PTPRG: variants seen among roughly 807,000 people sequenced by gnomAD.
PTPRG encodes the protein protein tyrosine phosphatase receptor type G, also known as receptor-type tyrosine-protein phosphatase gamma.
A neutral mutation model predicts 165.3 loss-of-function variants in PTPRG; 102 were observed. The observed-to-expected ratio is 0.62, with a 90% CI of 0.53 to 0.73. PTPRG has a LOEUF of 0.73. PTPRG is among the 30% of genes least tolerant of loss of function. The pLI, the probability that PTPRG is intolerant of heterozygous loss-of-function variation, is 0.00. For synonymous variants in PTPRG, 675 were observed against 669.5 expected (o/e 1.01, Z -0.13); for missense variants, 1,866 against 1,861.4 (o/e 1.00, Z -0.05).
At chr3:61,951,108 T>C (rs900931641) in intron 2 of PTPRG, among the ~76,000 whole-genome samples, 2 of 152,242 alleles carry the variant, frequency 1.3e-5, no homozygotes, top group African/African-American at 4.8e-5. Context: ...AAGTCATTCA[T>C]TGTTAGCAGT....
intron 2 of PTPRG, among the ~76,000 whole-genome samples, chr3:61,778,279 C>T (rs940372747): frequency 4.6e-5 from 7 of 152,056 alleles, no homozygotes; most frequent in African/African-American, 1.7e-4. Flanking sequence ...CTCATGGGAT[C>T]CACATGCCCC....
intron 5 of PTPRG, among the ~76,000 whole-genome samples, chr3:62,085,464 C>T (rs1218117760): frequency 6.6e-6 from 1 of 152,176 alleles, no homozygotes; most frequent in Non-Finnish European, 1.5e-5. Flanking sequence ...TAAAGAGTAT[C>T]TGGGTGTATC....
At chr3:62,223,874 T>C (rs553894775) in intron 13 of PTPRG, among the ~76,000 whole-genome samples, 61 of 152,352 alleles carry the variant, frequency 4.0e-4, no homozygotes, top group African/African-American at 1.4e-3. Flanking sequence ...AATATGTCCA[T>C]TGCATACAAC....
intron 2 of PTPRG, among the ~76,000 whole-genome samples, chr3:61,773,176 A>C (rs2034264407): frequency 6.6e-6 from 1 of 152,190 alleles, no homozygotes; most frequent in Admixed American, 6.5e-5. Flanking sequence ...TGTATGCAAT[A>C]AATTATTTGG....
chr3:61,702,002 A>G (rs2030990155), intron 1 of PTPRG, among the ~76,000 whole-genome samples: 1 of 152,182 alleles, frequency 6.6e-6, no homozygotes, highest in Admixed American at 6.5e-5. Context: ...TTTTTGAGAC[A>G]GGGTCTCACT....
intron 1 of PTPRG, among the ~76,000 whole-genome samples, chr3:61,646,018 A>G (rs1702191221): frequency 6.6e-6 from 1 of 152,314 alleles, no homozygotes; most frequent in East Asian, 1.9e-4. Context: ...TACCTGCTTT[A>G]TACAGACACA....
chr3:61,716,156 C>T (rs2031797393), intron 1 of PTPRG, among the ~76,000 whole-genome samples: 1 of 152,080 alleles, frequency 6.6e-6, no homozygotes, highest in Admixed American at 6.6e-5. Flanking sequence ...GGTTTGTTTG[C>T]TTTTTTCCCC....
intron 2 of PTPRG, among the ~76,000 whole-genome samples, chr3:61,790,564 A>G (rs977187583): frequency 2.0e-5 from 3 of 152,214 alleles, no homozygotes; most frequent in Non-Finnish European, 4.4e-5. Flanking sequence ...TTCTTGGCTA[A>G]GTTTGTGTAT....
chr3:61,703,424 A>G (rs768001193), intron 1 of PTPRG, among the ~76,000 whole-genome samples: 2 of 152,108 alleles, frequency 1.3e-5, no homozygotes, highest in African/African-American at 4.8e-5. Context: ...CTAGGCTGAC[A>G]TTTTTTCTCT....
chr3:61,683,497 C>T (rs1038675863), intron 1 of PTPRG, among the ~76,000 whole-genome samples: 1 of 152,168 alleles, frequency 6.6e-6, no homozygotes, highest in African/African-American at 2.4e-5. Context: ...CAGCCAAATC[C>T]CTCTCTACAC....
intron 1 of PTPRG, among the ~76,000 whole-genome samples, chr3:61,643,809 A>G (rs556075704): frequency 2.6e-5 from 4 of 152,236 alleles, no homozygotes; most frequent in Admixed American, 6.5e-5. Context: ...GTGAATGTAT[A>G]TAGAGGACAG....
chr3:61,713,437 C>T (rs1217533683), intron 1 of PTPRG, among the ~76,000 whole-genome samples: 1 of 151,840 alleles, frequency 6.6e-6, no homozygotes, highest in Non-Finnish European at 1.5e-5. Flanking sequence ...TCCCAAAGTG[C>T]TGGGATTACA....
chr3:61,644,560 G>C (rs547654240), intron 1 of PTPRG, among the ~76,000 whole-genome samples: 57 of 152,212 alleles, frequency 3.7e-4, no homozygotes, highest in African/African-American at 1.3e-3. Flanking sequence ...CTAAGGATAC[G>C]CATCTCGTAT....
At position 62,292,449 on chromosome 3, in the gene PTPRG, T is replaced by G. The variant is rs763478913; in HGVS notation, c.4084T>G (p.Cys1362Gly). ...TGGAGCAGTTTCAGCAGGAATGTTATGTGCCCTTACCACCCTGTCCCAGCA... is the reference window on the plus strand; with the variant it reads ...TGGAGCAGTTTCAGCAGGAATGTTAGGTGCCCTTACCACCCTGTCCCAGCA... ...EYGAVSAGMLCALTTLSQQLE... is the reference protein window; with the variant it reads ...EYGAVSAGMLGALTTLSQQLE... Residue 1362 changes from cysteine (C) to glycine (G), a missense_variant, in exon 29 of 30, where the codon TGT becomes GGT. Coordinates refer to ENST00000474889, the MANE Select transcript of PTPRG (RefSeq NM_002841.4). 1.2e-6 allele frequency: 2 copies of G among 1,613,680 alleles called. No homozygotes were observed.
rs558928245 is a variant in PTPRG, at chr3:62,061,167, G to A, written c.520-16996G>A. ...TCTTTGAAATTAAGCTTTTGTCCTG[G>A]AGTTTTTAATGGGCACAACTCTCTA... is the stretch of plus-strand genomic sequence containing the variant. On this transcript the variant is annotated intron_variant, in intron 4 of 29. Coordinates refer to ENST00000474889, the MANE Select transcript of PTPRG (RefSeq NM_002841.4). Among the ~76,000 whole-genome samples the A allele has an allele frequency of 4.6e-5, 7 of 152,232 alleles. No homozygotes were observed. The South Asian group carries it at 1.5e-3, about 32-fold the overall frequency.
chr3:61,972,183 G>A (rs2040399927), intron 2 of PTPRG, among the ~76,000 whole-genome samples: 1 of 152,250 alleles, frequency 6.6e-6, no homozygotes, highest in Admixed American at 6.5e-5. Context: ...AGGTGACTGA[G>A]TTGCCTGTTA....
At chr3:62,069,905 A>G (rs1203405435) in intron 4 of PTPRG, among the ~76,000 whole-genome samples, 1 of 152,148 alleles carries the variant, frequency 6.6e-6, no homozygotes, top group Non-Finnish European at 1.5e-5. Context: ...ACCCACCCAC[A>G]TTATAGAGGG....
At chr3:61,840,765 G>GTTTTT (rs145859383) in intron 2 of PTPRG, among the ~76,000 whole-genome samples, 67 of 119,554 alleles carry the variant, frequency 5.6e-4, no homozygotes, top group Non-Finnish European at 9.3e-4. Context: ...TTCAGATGGA[G>GTTTTT]TTTTTTTTGT....
intron 2 of PTPRG, among the ~76,000 whole-genome samples, chr3:61,946,113 C>A (rs938357698): frequency 6.6e-6 from 1 of 152,112 alleles, no homozygotes; most frequent in African/African-American, 2.4e-5. Flanking sequence ...AAATTAAAAA[C>A]TTGGCCACAA....
Sources: allele counts gnomAD v4.1 joint callset (sites outside exome capture counted in the v4.1 genomes callset), GRCh38; gene constraint gnomAD v4.1.1; transcripts MANE v1.5; gene names NCBI Gene and HGNC (gene_info 2026-07-23, HGNC 2026-07-21).